Variants in MACROD1 observed in about 807,000 individuals in gnomAD.
MACROD1 encodes mono-ADP ribosylhydrolase 1, also known as ADP-ribose glycohydrolase MACROD1.
In MACROD1, 31 loss-of-function variants were observed where a neutral mutation model predicts 41.4. That is an observed-to-expected ratio of 0.75 (90% CI 0.56 to 1.01). MACROD1 has a LOEUF of 1.01. Ranked by LOEUF, MACROD1 falls within the 50% of genes least tolerant of loss-of-function variation. MACROD1 has a pLI of 0.00. For missense variants in MACROD1, 473 were observed against 460.0 expected, an observed-to-expected ratio of 1.03 and a Z score of -0.26; for synonymous variants, 252 against 203.4, an observed-to-expected ratio of 1.24 and a Z score of -2.03.
intron 3 of MACROD1, among the ~76,000 whole-genome samples, chr11:64,093,934 G>T (rs1202918849): frequency 2.6e-5 from 4 of 152,224 alleles, no homozygotes; most frequent in African/African-American, 4.8e-5. Flanking sequence ...GAATCACCTT[G>T]CTCTGCAGAA....
chr11:64,014,157 G>A (rs1943050162), intron 4 of MACROD1, among the ~76,000 whole-genome samples: 1 of 151,518 alleles, frequency 6.6e-6, no homozygotes, highest in Non-Finnish European at 1.5e-5. Context: ...GCAGGGTGCT[G>A]TGGGTGGGAC....
intron 1 of MACROD1, among the ~76,000 whole-genome samples, chr11:64,159,569 C>A (rs899972832): frequency 6.6e-6 from 1 of 151,514 alleles, no homozygotes. Context: ...CCAAGGCGGG[C>A]GGATCACCTG....
At chr11:64,018,523 G>C (rs542478364) in intron 3 of MACROD1, among the ~76,000 whole-genome samples, 2 of 152,208 alleles carry the variant, frequency 1.3e-5, no homozygotes, top group Admixed American at 6.5e-5. Context: ...ACAGGCTTCT[G>C]GGTGTGGCCA....
At chr11:64,045,371 C>T (rs1046392549) in intron 3 of MACROD1, among the ~76,000 whole-genome samples, 19 of 148,272 alleles carry the variant, frequency 1.3e-4, no homozygotes, top group African/African-American at 3.9e-4. Context: ...TGCTCTGCTC[C>T]GCCGGGACCT....
At chr11:64,012,996 A>G (rs579669) in intron 4 of MACROD1, among the ~76,000 whole-genome samples, 46,367 of 151,886 alleles carry the variant, frequency 0.31, 8,178 homozygotes, top group Non-Finnish European at 0.4. Flanking sequence ...TAGCATGGTT[A>G]GTTGATTTTT....
At chr11:64,111,726 T>C (rs1178936110) in intron 3 of MACROD1, among the ~76,000 whole-genome samples, 1 of 152,192 alleles carries the variant, frequency 6.6e-6, no homozygotes, top group Non-Finnish European at 1.5e-5. Context: ...TGAAGGCTGA[T>C]GTGTCTAGCT....
intron 3 of MACROD1, chr11:64,060,649 G>A (rs1943881771): frequency 6.6e-6 from 1 of 152,056 alleles, no homozygotes; most frequent in South Asian, 2.1e-4. Context: ...GCCGTGACCT[G>A]GGGCAAGGTC....
chr11:64,061,366 T>C (rs1943900635), intron 3 of MACROD1, among the ~76,000 whole-genome samples: 1 of 152,142 alleles, frequency 6.6e-6, no homozygotes, highest in Non-Finnish European at 1.5e-5. Flanking sequence ...GTGAGGGCCC[T>C]CTGCTAGGCA....
At position 64,042,413 on chromosome 11, in the gene MACROD1, G is replaced by T. The variant is rs536797858; in HGVS notation, c.518-27132C>A. Among the ~76,000 whole-genome samples the T allele has an allele frequency of 3.9e-5, 6 of 152,288 alleles. No homozygotes were observed. The South Asian group carries it at 8.3e-4, about 21-fold the overall frequency. On this transcript the variant is annotated intron_variant, in intron 3 of 10. Coordinates refer to ENST00000255681, the MANE Select transcript of MACROD1 (RefSeq NM_014067.4). ...AGGCCTGGACCCCTCTCTGGGGAAT[G>T]GGGGGGTGTGAAGGAATGAGAAGTG... is the stretch of plus-strand genomic sequence containing the variant.
intron 3 of MACROD1, chr11:64,060,645 A>G (rs1244628378): frequency 6.6e-6 from 1 of 152,164 alleles, no homozygotes; most frequent in African/African-American, 2.4e-5. Flanking sequence ...GGACGCCGTG[A>G]CCTGGGGCAA....
At chr11:64,145,931 G>A (rs1355657436) in intron 3 of MACROD1, among the ~76,000 whole-genome samples, 1 of 152,106 alleles carries the variant, frequency 6.6e-6, no homozygotes, top group Non-Finnish European at 1.5e-5. Flanking sequence ...CACTGTGTCC[G>A]GCTAATTTTT....
intron 3 of MACROD1, among the ~76,000 whole-genome samples, chr11:64,083,687 C>G (rs986786136): frequency 6.6e-6 from 1 of 152,230 alleles, no homozygotes; most frequent in African/African-American, 2.4e-5. Context: ...ACCTGGTTAT[C>G]AAAATAGGAA....
intron 3 of MACROD1, among the ~76,000 whole-genome samples, chr11:64,028,187 CG>C (rs1565199907): frequency 7.3e-6 from 1 of 136,088 alleles, no homozygotes; most frequent in Admixed American, 7.2e-5. Context: ...TGGGAAGGGC[CG>C]GGTGGGGTGG....
At chr11:64,022,024 G>A (rs1943164162) in intron 3 of MACROD1, among the ~76,000 whole-genome samples, 2 of 138,304 alleles carry the variant, frequency 1.4e-5, no homozygotes, top group South Asian at 2.4e-4. Flanking sequence ...GGTGTGAGCA[G>A]CACAGCCAGG....
intron 3 of MACROD1, among the ~76,000 whole-genome samples, chr11:64,057,159 C>T (rs1943801646): frequency 2.0e-5 from 3 of 152,330 alleles, no homozygotes; most frequent in Admixed American, 1.3e-4. Flanking sequence ...CCCTGTGCCA[C>T]TTTAGGCCAC....
chr11:64,122,910 G>A lies in MACROD1; in HGVS notation c.517+28329C>T, dbSNP rs1460568843. On this transcript the variant is annotated intron_variant, in intron 3 of 10. Transcript: ENST00000255681. The surrounding 1 kb of genome is among the most constrained non-coding windows in gnomAD (Gnocchi z 4.0). ...GCCCTGGAGCCAAGGAGCCAGGAGA[G>A]GAGGAGAAAGAGCAGACCCTCCCCC... is the stretch of plus-strand genomic sequence containing the variant. Among the ~76,000 whole-genome samples the A allele has an allele frequency of 6.6e-6, 1 of 152,248 alleles. No homozygotes were observed. Among genetic ancestry groups the A allele is most frequent in the African/African-American group, 2.4e-5 (1 of 41,466 alleles).
chr11:64,030,184 A>T (rs1943275705), intron 3 of MACROD1, among the ~76,000 whole-genome samples: 1 of 140,998 alleles, frequency 7.1e-6, no homozygotes. Context: ...CACCCCCCAA[A>T]CTCACACCCA....
At chr11:64,039,751 G>A (rs1438913211) in intron 3 of MACROD1, among the ~76,000 whole-genome samples, 3 of 152,212 alleles carry the variant, frequency 2.0e-5, no homozygotes, top group Admixed American at 6.5e-5. Flanking sequence ...CCGCTCCCCG[G>A]GGCCAGCGGC....
chr11:64,112,629 C>T (rs561628773), intron 3 of MACROD1, among the ~76,000 whole-genome samples: 5 of 152,308 alleles, frequency 3.3e-5, no homozygotes, highest in African/African-American at 4.8e-5. Flanking sequence ...TTATAATTCT[C>T]GATAGGGTGC....
Sources: gnomAD v4.1 joint callset for allele counts (sites outside exome capture counted in the v4.1 genomes callset) on GRCh38, gnomAD v4.1.1 for gene constraint, Gnocchi (gnomAD v3.1) non-coding constraint, MANE v1.5 for transcripts, NCBI Gene and HGNC (gene_info 2026-07-23, HGNC 2026-07-21) for gene names.